Variants in HEXB observed in about 807,000 individuals in gnomAD.
HEXB encodes the protein beta-hexosaminidase subunit beta.
HEXB carries 51 observed loss-of-function variants against 71.2 expected under a neutral mutation model. The ratio of observed to expected loss-of-function variants is 0.72; its 90% CI spans 0.57 to 0.90. The LOEUF (loss-of-function observed/expected upper bound fraction) is 0.90, where lower values mean the gene tolerates loss of function less well. HEXB is among the 40% of genes least tolerant of loss of function. HEXB has a pLI of 0.00. For synonymous variants in HEXB, 266 were observed against 249.3 expected (o/e 1.07, Z -0.63); for missense variants, 617 against 677.0 (o/e 0.91, Z 0.98).
At chr5:74,710,084 C>A (rs1163935112) in intron 6 of HEXB, among the ~76,000 whole-genome samples, 1 of 152,114 alleles carries the variant, frequency 6.6e-6, no homozygotes, top group East Asian at 1.9e-4. Context: ...AAAAGCTTAT[C>A]CACCATGATC....
chr5:74,717,644 T>TA (rs563927136), intron 9 of HEXB, among the ~76,000 whole-genome samples: 96 of 151,034 alleles, frequency 6.4e-4, no homozygotes, highest in African/African-American at 2.2e-3. Flanking sequence ...TTTTTTAACT[T>TA]AAAAAAAACC....
intron 1 of HEXB, among the ~76,000 whole-genome samples, chr5:74,671,433 T>C (rs147350422): frequency 2.3e-3 from 346 of 151,318 alleles, no homozygotes; most frequent in African/African-American, 8.1e-3. Flanking sequence ...AAAAGCCATA[T>C]GGTACATTTG....
At position 74,661,555 on chromosome 5, in the gene HEXB, GTGTGTGTGTCTC is replaced by G. The variant is rs1215763559; in HGVS notation, c.-377+20999_-377+21010del. 8.6e-3 allele frequency among the ~76,000 whole-genome samples: 599 copies of G among 69,656 alleles called. 4 individuals carry two copies. Among genetic ancestry groups the G allele is most frequent in the African/African-American group, 0.046 (572 of 12,384 alleles). 45.7% of individuals were successfully genotyped at this position (69,656 alleles called of 152,430 possible). Reference sequence around the variant, plus strand: ...TGTGTGTGTGTGTGTGTGTGTGTGTGTGTGTGTGTCTCTCTCTCTCTCTCTCTCTTTCATCTT... The same window carrying G: ...TGTGTGTGTGTGTGTGTGTGTGTGTGTCTCTCTCTCTCTCTCTTTCATCTT... On this transcript the variant is annotated intron_variant, in intron 1 of 13. Transcript: ENST00000511181.
intron 1 of HEXB, among the ~76,000 whole-genome samples, chr5:74,671,454 T>C (rs1748537848): frequency 6.6e-6 from 1 of 151,836 alleles, no homozygotes; most frequent in South Asian, 2.1e-4. Flanking sequence ...TATACAATTC[T>C]AGAAAATGCA....
chr5:74,708,565 A>G (rs1316174996), intron 6 of HEXB, among the ~76,000 whole-genome samples: 2 of 152,326 alleles, frequency 1.3e-5, no homozygotes, highest in East Asian at 3.9e-4. Context: ...GCAGAGACAC[A>G]CATAGGCTCG....
At chr5:74,699,029 C>CA (rs1251698228) in intron 5 of HEXB, among the ~76,000 whole-genome samples, 1 of 151,626 alleles carries the variant, frequency 6.6e-6, no homozygotes, top group East Asian at 2.0e-4. Flanking sequence ...ACTAAAAATA[C>CA]AAAAAATTAG....
At chr5:74,720,582 C>G (rs923069113) in intron 12 of HEXB, 61 bp from the exon 13 acceptor site, 23 of 1,594,550 alleles carry the variant, frequency 1.4e-5, no homozygotes, top group Middle Eastern at 1.7e-4. Context: ...TCTGTCTAAA[C>G]ACAAAAGTGC....
At chr5:74,692,465 C>T (rs1454428699) in intron 2 of HEXB, among the ~76,000 whole-genome samples, 1 of 152,142 alleles carries the variant, frequency 6.6e-6, no homozygotes, top group East Asian at 1.9e-4. Context: ...CTGGGCAGCA[C>T]AGTGAGACTC....
intron 1 of HEXB, among the ~76,000 whole-genome samples, chr5:74,672,084 C>G (rs820845): frequency 7.9e-5 from 12 of 152,170 alleles, no homozygotes; most frequent in Non-Finnish European, 1.5e-4. Flanking sequence ...TCTGCTATCC[C>G]GATATATGTG....
Position 74,641,579 on chromosome 5 carries a change from C to T in HEXB, c.-377+1021C>T, listed in dbSNP as rs1286257221. On this transcript the variant is annotated intron_variant, in intron 1 of 13. Coordinates refer to the HEXB transcript ENST00000511181. The surrounding 1 kb of genome is among the most constrained non-coding windows in gnomAD (Gnocchi z 4.1). ...CCTCTCCTAGCGATTAAGCCTCCAT[C>T]ACCTTCTCCTGTTTTTTATCGCTCG... 6.6e-6 allele frequency among the ~76,000 whole-genome samples: 1 copy of T among 152,166 alleles called. No homozygotes were observed. Among genetic ancestry groups the T allele is most frequent in the East Asian group, 1.9e-4 (1 of 5,194 alleles).
exon 1 of HEXB, chr5:74,640,449 C>T (rs745754464): frequency 6.6e-6 from 1 of 152,296 alleles, no homozygotes; most frequent in East Asian, 1.9e-4. Context: ...GGACTGCGCC[C>T]CGAACGATGG....
intron 1 of HEXB, among the ~76,000 whole-genome samples, chr5:74,661,100 CAT>C (rs1348039982): frequency 1.3e-5 from 2 of 152,204 alleles, no homozygotes; most frequent in East Asian, 3.9e-4. Flanking sequence ...CAGTGAGCCA[CAT>C]GTCTGTGGGC....
Position 74,693,487 on chromosome 5 carries a change from A to G in HEXB, c.446-152A>G, listed in dbSNP as rs1314319461. On this transcript the variant is annotated intron_variant, in intron 2 of 13. Coordinates refer to ENST00000261416, the MANE Select transcript of HEXB (RefSeq NM_000521.4). The stretch of plus-strand genomic sequence containing the variant: ...GTCGAAGGAACCTGCAGGACATCCA[A>G]ATGGAGATGTACAGGAGGCAGTTAG... The G allele has an allele frequency of 3.6e-5, 25 of 700,628 alleles. No homozygotes were observed. In the Admixed American group the frequency reaches 5.0e-4, roughly 14 times the overall value. 43.4% of individuals were successfully genotyped at this position (700,628 alleles called of 1,614,324 possible).
intron 1 of HEXB, among the ~76,000 whole-genome samples, chr5:74,667,766 G>A (rs1282455806): frequency 6.6e-6 from 1 of 152,134 alleles, no homozygotes; most frequent in African/African-American, 2.4e-5. Context: ...CCCTAACCCC[G>A]TGTCGTTAGA....
upstream of HEXB, among the ~76,000 whole-genome samples, chr5:74,680,240 C>T (rs1326503245): frequency 6.6e-6 from 1 of 152,174 alleles, no homozygotes; most frequent in Non-Finnish European, 1.5e-5. Context: ...TCTTTGAATC[C>T]GGATCAAGGA....
chr5:74,651,054 G>A (rs1183956028), intron 1 of HEXB, among the ~76,000 whole-genome samples: 2 of 152,074 alleles, frequency 1.3e-5, no homozygotes, highest in African/African-American at 2.4e-5. Context: ...CATAAAGCAA[G>A]TTTCTCAGCC....
intron 1 of HEXB, among the ~76,000 whole-genome samples, chr5:74,679,321 G>A (rs1388493969): frequency 6.6e-6 from 1 of 152,194 alleles, no homozygotes. Flanking sequence ...GAGTGAGGAC[G>A]ATATTATTGG....
At chr5:74,675,262 G>A (rs186499858) in intron 1 of HEXB, among the ~76,000 whole-genome samples, 24 of 152,240 alleles carry the variant, frequency 1.6e-4, no homozygotes, top group East Asian at 5.8e-4. Flanking sequence ...ATCAGGTATC[G>A]AGAGCAATTA....
chr5:74,718,392 A>AAT, intron 10 of HEXB, 29 bp downstream of exon 10: 1 of 1,468,766 alleles, frequency 6.8e-7, no homozygotes, highest in Non-Finnish European at 9.5e-7. Flanking sequence ...GCATCTGATC[A>AAT]ATATAAGAGA....
Sources: allele counts gnomAD v4.1 joint callset (sites outside exome capture counted in the v4.1 genomes callset), GRCh38; gene constraint gnomAD v4.1.1; non-coding constraint Gnocchi (gnomAD v3.1); transcripts MANE v1.5; gene names NCBI Gene and HGNC (gene_info 2026-07-23, HGNC 2026-07-21).